The following CCDC171 variants were observed in gnomAD, a reference collection of about 807,000 sequenced individuals.
CCDC171 encodes coiled-coil domain containing 171, also known as coiled-coil domain-containing protein 171.
Under a neutral mutation model 168.2 loss-of-function variants are expected in CCDC171, and 177 were observed. That is an observed-to-expected ratio of 1.05 (90% CI 0.93 to 1.19). CCDC171 has a LOEUF of 1.19. CCDC171 is among the 50% of genes most tolerant of loss of function. The pLI is 0.00. For synonymous variants in CCDC171, 687 were observed against 540.8 expected, an observed-to-expected ratio of 1.27 and a Z score of -3.75; for missense variants, 1,991 against 1,539.0, an observed-to-expected ratio of 1.29 and a Z score of -4.91.
At chr9:15,954,706 CTG>C (rs1829603520) in intron 25 of CCDC171, among the ~76,000 whole-genome samples, 4 of 150,996 alleles carry the variant, frequency 2.6e-5, no homozygotes, top group Admixed American at 2.6e-4. Context: ...TTTTGAATCA[CTG>C]TAGTGAATTT....
chr9:15,562,490 T>C (rs2039390624), intron 1 of CCDC171, among the ~76,000 whole-genome samples: 1 of 152,144 alleles, frequency 6.6e-6, no homozygotes, highest in Non-Finnish European at 1.5e-5. Context: ...ACCATTCAGA[T>C]TTGAAGATGT....
the CCDC171 span, among the ~76,000 whole-genome samples, chr9:16,084,810 G>A: frequency 3.5e-3 from 531 of 152,276 alleles, 4 homozygotes; most frequent in African/African-American, 0.012. Context: ...ACTGAGGTGG[G>A]AGAATCCAGA....
Position 15,777,692 on chromosome 9 carries a change from T to C in CCDC171, c.2764T>C (p.Cys922Arg). ...LMDKISLVMECIPLHSSRSIT... is the reference protein window; with the variant it reads ...LMDKISLVMERIPLHSSRSIT... The stretch of plus-strand genomic sequence containing the variant: ...GGATAAAATTAGTCTGGTAATGGAA[T>C]GTATACCTCTGCACAGTAGCAGGAG... The change falls in exon 19 of 26, where the codon TGT becomes CGT. Residue 922 changes from cysteine (C) to arginine (R), a missense_variant. Physicochemically the swap from Cys to Arg is radical, Grantham distance 180 (BLOSUM62 -3). Coordinates refer to ENST00000380701, the MANE Select transcript of CCDC171 (RefSeq NM_173550.4). The C allele has an allele frequency of 6.2e-7, 1 of 1,614,016 alleles. No individual in the cohort carries two copies. Among genetic ancestry groups the C allele is most frequent in the South Asian group, 1.1e-5 (1 of 91,056 alleles).
chr9:15,853,092 G>T (rs529200018), intron 23 of CCDC171, among the ~76,000 whole-genome samples: 1 of 151,412 alleles, frequency 6.6e-6, no homozygotes, highest in Admixed American at 6.6e-5. Flanking sequence ...TTTGGGATCA[G>T]CTTGTCCATT....
chr9:15,902,630 G>T (rs567555007), intron 24 of CCDC171, among the ~76,000 whole-genome samples: 1 of 152,266 alleles, frequency 6.6e-6, no homozygotes. Flanking sequence ...GGTGATTTCT[G>T]CATTTCCAAC....
the CCDC171 span, among the ~76,000 whole-genome samples, chr9:16,093,677 C>CT: frequency 6.6e-6 from 1 of 152,140 alleles, no homozygotes; most frequent in African/African-American, 2.4e-5. Context: ...TGTGTGATAA[C>CT]TTAAGGCTGA....
intron 21 of CCDC171, among the ~76,000 whole-genome samples, chr9:15,790,607 C>T (rs556748685): frequency 6.6e-6 from 1 of 152,238 alleles, no homozygotes; most frequent in Admixed American, 6.5e-5. Flanking sequence ...TTAATTAGAT[C>T]CCATTTGTCA....
At chr9:15,578,289 C>T (rs2040835023) in intron 3 of CCDC171, among the ~76,000 whole-genome samples, 1 of 149,528 alleles carries the variant, frequency 6.7e-6, no homozygotes, top group Non-Finnish European at 1.5e-5. Flanking sequence ...GGATGGAGTG[C>T]AGTGGCATGG....
chr9:15,779,346 G>T (rs372117984), intron 20 of CCDC171, among the ~76,000 whole-genome samples, 196 bp downstream of exon 20: 3 of 152,120 alleles, frequency 2.0e-5, no homozygotes, highest in South Asian at 2.1e-4. Context: ...GCGGGGGAGT[G>T]GGGAGAGAGA....
intron 16 of CCDC171, among the ~76,000 whole-genome samples, chr9:15,734,506 C>T (rs1313810540): frequency 6.6e-6 from 1 of 152,068 alleles, no homozygotes; most frequent in Admixed American, 6.6e-5. Flanking sequence ...CCATTTCACT[C>T]CAGCCTGGGC....
intron 24 of CCDC171, among the ~76,000 whole-genome samples, chr9:15,913,466 T>G (rs1402817936): frequency 6.6e-6 from 1 of 152,204 alleles, no homozygotes; most frequent in African/African-American, 2.4e-5. Flanking sequence ...TTGTTAATCT[T>G]TACAAAAAAA....
intron 25 of CCDC171, among the ~76,000 whole-genome samples, chr9:15,930,287 CT>C (rs1826356532): frequency 6.6e-6 from 1 of 151,404 alleles, no homozygotes; most frequent in Admixed American, 6.6e-5. Context: ...TTATATTATT[CT>C]GTATTAGCAC....
intron 21 of CCDC171, among the ~76,000 whole-genome samples, chr9:15,810,531 G>A (rs755824590): frequency 6.6e-6 from 1 of 152,170 alleles, no homozygotes; most frequent in Non-Finnish European, 1.5e-5. Context: ...CGGGCTGCAG[G>A]TCCCGAGCCC....
upstream of CCDC171, among the ~76,000 whole-genome samples, chr9:16,042,542 C>T (rs1380133289): frequency 6.6e-6 from 1 of 152,176 alleles, no homozygotes; most frequent in Non-Finnish European, 1.5e-5. Flanking sequence ...ATTATAACCC[C>T]TGAGGACAAA....
chr9:15,773,334 G>A (rs2135315607), intron 18 of CCDC171, among the ~76,000 whole-genome samples: 1 of 152,310 alleles, frequency 6.6e-6, no homozygotes, highest in East Asian at 1.9e-4. Context: ...TAGTGGAACT[G>A]TTGCAATAAC....
intron 25 of CCDC171, among the ~76,000 whole-genome samples, chr9:15,956,891 C>T (rs773563573): frequency 6.6e-6 from 1 of 151,906 alleles, no homozygotes; most frequent in Non-Finnish European, 1.5e-5. Flanking sequence ...TTATACAATA[C>T]TATTATTAAT....
At chr9:16,032,717 G>C (rs945171759) in intron 6 of CCDC171, among the ~76,000 whole-genome samples, 1 of 152,098 alleles carries the variant, frequency 6.6e-6, no homozygotes, top group African/African-American at 2.4e-5. Context: ...TCCTGGGCTC[G>C]AGTGATCCTC....
chr9:15,926,392 C>T (rs1356200026), intron 25 of CCDC171, among the ~76,000 whole-genome samples: 2 of 151,686 alleles, frequency 1.3e-5, no homozygotes, highest in African/African-American at 4.8e-5. Context: ...AATAGTCATT[C>T]CAAACCTTAC....
intron 11 of CCDC171, among the ~76,000 whole-genome samples, chr9:15,707,528 T>A (rs971646259): frequency 2.6e-5 from 4 of 152,210 alleles, no homozygotes; most frequent in Non-Finnish European, 5.9e-5. Context: ...CCATCTTTTG[T>A]AGTCTTCTTG....
Sources: gnomAD v4.1 joint callset for allele counts (sites outside exome capture counted in the v4.1 genomes callset) on GRCh38, gnomAD v4.1.1 for gene constraint, MANE v1.5 for transcripts, NCBI Gene and HGNC (gene_info 2026-07-23, HGNC 2026-07-21) for gene names.